CKAP2L: variants seen among roughly 807,000 people sequenced by gnomAD.
CKAP2L encodes cytoskeleton associated protein 2L.
Under a neutral mutation model 65.7 loss-of-function variants are expected in CKAP2L, and 42 were observed. That is an observed-to-expected ratio of 0.64 (90% CI 0.50 to 0.83). CKAP2L has a LOEUF of 0.83. Among genes scored for constraint, CKAP2L ranks in the 40% least tolerant of loss-of-function variants. The pLI is 0.00. For missense variants in CKAP2L, 908 were observed against 871.0 expected (o/e 1.04, Z -0.53); for synonymous variants, 325 against 313.5 (o/e 1.04, Z -0.39).
intron 6 of CKAP2L, among the ~76,000 whole-genome samples, chr2:112,744,866 A>G (rs1680153721): frequency 6.6e-6 from 1 of 152,192 alleles, no homozygotes; most frequent in South Asian, 2.1e-4. Flanking sequence ...TATATGTGCA[A>G]ACAGCCCAGT....
Position 112,753,526 on chromosome 2 carries a change from C to CTTTTTT in CKAP2L, c.1395-1058_1395-1053dup, listed in dbSNP as rs59027525. Among the ~76,000 whole-genome samples the CTTTTTT allele has an allele frequency of 4.7e-4, 47 of 100,370 alleles. 2 individuals are homozygous for CTTTTTT. The highest frequency in any genetic ancestry group is 6.9e-4 in the African/African-American group (19 of 27,570). The allele number at this position is 100,370 out of a possible 152,430, so 65.8% of individuals were successfully genotyped here. On this transcript the variant is annotated intron_variant, in intron 4 of 8. Transcript: ENST00000302450. Reference sequence around the variant, plus strand: ...CTCAGGTATCCTTAAAGTTTCTTTTCTTTTTTTTTTTTTTTTTTTTTGAGA... The same window carrying CTTTTTT: ...CTCAGGTATCCTTAAAGTTTCTTTTCTTTTTTTTTTTTTTTTTTTTTTTTTTTGAGA...
intron 4 of CKAP2L, among the ~76,000 whole-genome samples, chr2:112,755,392 G>A (rs1435793991): frequency 3.3e-5 from 5 of 152,058 alleles, no homozygotes; most frequent in Non-Finnish European, 7.4e-5. Context: ...CGCTCACCTC[G>A]GCCTCCCAAA....
chr2:112,755,862 A>T, intron 4 of CKAP2L, 115 bp downstream of exon 4: 1 of 950,084 alleles, frequency 1.1e-6, no homozygotes, highest in Non-Finnish European at 1.6e-6. Context: ...TTCAGACTGT[A>T]GTTAAAAATT....
rs1680569717 is a variant in CKAP2L at position 112,757,228 on chromosome 2, G to T, written c.157-14C>A. On this transcript the variant is annotated splice_polypyrimidine_tract_variant and intron_variant, in intron 3 of 8. Transcript: ENST00000302450. Reference sequence around the variant, plus strand: ...GGGTCTAATAGTCTGAAAAAACAAAGAAAATACATATTAAAAAATCCTTAA... The same window carrying T: ...GGGTCTAATAGTCTGAAAAAACAAATAAAATACATATTAAAAAATCCTTAA... 3.3e-6 allele frequency: 5 copies of T among 1,532,144 alleles called. No homozygotes were observed. Among genetic ancestry groups the T allele is most frequent in the Non-Finnish European group, 4.4e-6 (5 of 1,133,328 alleles). The allele number at this position is 1,532,144 out of a possible 1,614,324, so 94.9% of individuals were successfully genotyped here.
At chr2:112,741,278 A>G (rs373157419) in intron 7 of CKAP2L, among the ~76,000 whole-genome samples, 3 of 151,852 alleles carry the variant, frequency 2.0e-5, no homozygotes, top group Non-Finnish European at 2.9e-5. Context: ...GACTCTGAAC[A>G]TATCTCCAGT....
chr2:112,762,970 G>A (rs1288234771), intron 1 of CKAP2L, among the ~76,000 whole-genome samples: 2 of 152,066 alleles, frequency 1.3e-5, no homozygotes, highest in East Asian at 3.8e-4. Flanking sequence ...ATTTTTTGTA[G>A]AGACAGGATC....
In CKAP2L at chr2:112,756,314, G is replaced by T; in HGVS notation, c.1057C>A (p.Gln353Lys). ...EYNNRHPNIK[Q>K]DQKSSQVCIP... ...CAAACTTGGCTGGACTTCTGATCTT[G>T]CTTGATGTTTGGATGTCTGTTGTTA... The change falls in exon 4 of 9, where the codon CAA becomes AAA. Residue 353 changes from glutamine (Q) to lysine (K), a missense_variant. Physicochemically the swap from Gln to Lys is moderately conservative, Grantham distance 53. Coordinates refer to ENST00000302450, the MANE Select transcript of CKAP2L (RefSeq NM_152515.5). 1 of 1,613,866 alleles carries T rather than the reference G, an allele frequency of 6.2e-7. No individual in the cohort carries two copies. The highest frequency in any genetic ancestry group is 8.5e-7 in the Non-Finnish European group (1 of 1,179,894).
At position 112,741,059 on chromosome 2, in the gene CKAP2L, A is replaced by G. The variant is rs113389463; in HGVS notation, c.1823-52T>C. 83 of 1,207,774 alleles carry G rather than the reference A, an allele frequency of 6.9e-5. 4 individuals carry two copies. In the African/African-American group the frequency reaches 7.6e-4, roughly 11 times the overall value. 74.8% of individuals were successfully genotyped at this position (1,207,774 alleles called of 1,614,324 possible). On this transcript the variant is annotated intron_variant, in intron 7 of 8. Coordinates refer to ENST00000302450, the MANE Select transcript of CKAP2L (RefSeq NM_152515.5). ...GTAAGATTTACCAATTTAATACTTCAACTAGAAGTCAATAACATGAAAAAT... is the reference window on the plus strand; with the variant it reads ...GTAAGATTTACCAATTTAATACTTCGACTAGAAGTCAATAACATGAAAAAT...
rs1177847446 is a variant in CKAP2L at position 112,738,462 on chromosome 2, A to C, written c.*361T>G. The C allele has an allele frequency of 9.3e-6, 2 of 214,514 alleles. No homozygotes were observed. Among genetic ancestry groups the C allele is most frequent in the Non-Finnish European group, 1.9e-5 (2 of 106,414 alleles). 13.3% of individuals were successfully genotyped at this position (214,514 alleles called of 1,614,324 possible). On this transcript the variant is annotated 3_prime_UTR_variant, in exon 9 of 9. Transcript: ENST00000302450. The stretch of plus-strand genomic sequence containing the variant: ...ACGATGAAAGAACTTGCCCTCTGCT[A>C]AGGTGGATGCAGAAAGAAAAGTCCC...
chr2:112,759,228 T>C (rs904595810), intron 3 of CKAP2L, among the ~76,000 whole-genome samples: 3 of 114,314 alleles, frequency 2.6e-5, no homozygotes, highest in African/African-American at 1.5e-4. Flanking sequence ...GGTCAAAGAG[T>C]ACTGCTTTTT....
chr2:112,747,371 T>C (rs1680233937), intron 5 of CKAP2L, among the ~76,000 whole-genome samples: 1 of 39,756 alleles, frequency 2.5e-5, no homozygotes. Flanking sequence ...AATCCTAGAG[T>C]AAACATTTAC....
At chr2:112,754,368 C>T (rs1680470319) in intron 4 of CKAP2L, among the ~76,000 whole-genome samples, 1 of 152,188 alleles carries the variant, frequency 6.6e-6, no homozygotes, top group South Asian at 2.1e-4. Context: ...AATACTGCCC[C>T]CTCACCTTCA....
At chr2:112,752,556 G>C (rs747376039) in intron 4 of CKAP2L, 82 bp from the exon 5 acceptor site, 8 of 823,772 alleles carry the variant, frequency 9.7e-6, no homozygotes, top group South Asian at 3.4e-5. Context: ...TGTATAGATA[G>C]AGTATAATTA....
At chr2:112,747,920 C>T (rs1222324806) in intron 5 of CKAP2L, among the ~76,000 whole-genome samples, 5 of 152,064 alleles carry the variant, frequency 3.3e-5, no homozygotes, top group Non-Finnish European at 7.4e-5. Context: ...GAAAAATAAC[C>T]AACAGAAAGG....
chr2:112,741,577 T>C (rs1398681594), intron 7 of CKAP2L, among the ~76,000 whole-genome samples: 1 of 152,224 alleles, frequency 6.6e-6, no homozygotes, highest in Non-Finnish European at 1.5e-5. Context: ...GTGAGGTCAA[T>C]AGGGTGCAAC....
chr2:112,758,770 G>C (rs1680621956), intron 3 of CKAP2L, among the ~76,000 whole-genome samples: 1 of 152,114 alleles, frequency 6.6e-6, no homozygotes, highest in Non-Finnish European at 1.5e-5. Context: ...CACCATTTTA[G>C]TAAGTGCACA....
At chr2:112,745,069 G>C (rs1412944304) in intron 6 of CKAP2L, among the ~76,000 whole-genome samples, 1 of 152,174 alleles carries the variant, frequency 6.6e-6, no homozygotes, top group African/African-American at 2.4e-5. Context: ...GGAATCTAAA[G>C]GTGATGGTAA....
intron 1 of CKAP2L, 98 bp downstream of exon 1, chr2:112,764,464 G>T: frequency 7.4e-7 from 1 of 1,349,294 alleles, no homozygotes; most frequent in Non-Finnish European, 1.1e-6. Flanking sequence ...CAGGCGAGCG[G>T]ACGGGCACCT....
Position 112,754,114 on chromosome 2 carries a change from C to A in CKAP2L, c.1395-1640G>T, listed in dbSNP as rs531665852. Among the ~76,000 whole-genome samples the A allele has an allele frequency of 7.5e-4, 114 of 152,276 alleles. 1 individual carries two copies. In the Middle Eastern group the frequency reaches 0.02, roughly 27 times the overall value. On this transcript the variant is annotated intron_variant, in intron 4 of 8. Transcript: ENST00000302450. ...CTGAGTTTTGACAAATGCATCAAGTCATTTAAGTCTGACTATTATCAAGCT... is the reference window on the plus strand; with the variant it reads ...CTGAGTTTTGACAAATGCATCAAGTAATTTAAGTCTGACTATTATCAAGCT...
Sources: allele counts gnomAD v4.1 joint callset (sites outside exome capture counted in the v4.1 genomes callset), GRCh38; gene constraint gnomAD v4.1.1; transcripts MANE v1.5; gene names NCBI Gene and HGNC (gene_info 2026-07-23, HGNC 2026-07-21).